CNTN4: variants seen among roughly 807,000 people sequenced by gnomAD.
CNTN4 encodes contactin 4, also known as contactin-4.
CNTN4 carries 77 observed loss-of-function variants against 122.5 expected under a neutral mutation model. The ratio of observed to expected loss-of-function variants is 0.63; its 90% CI spans 0.52 to 0.76. The LOEUF is 0.76. Among genes scored for constraint, CNTN4 ranks in the 30% least tolerant of loss-of-function variants. The pLI, the probability that CNTN4 is intolerant of heterozygous loss-of-function variation, is 0.00. For synonymous variants in CNTN4, 512 were observed against 447.0 expected (o/e 1.15, Z -1.83); for missense variants, 1,256 against 1,259.1 (o/e 1.00, Z 0.04).
chr3:2,546,761 TCAG>T (rs777686218), intron 3 of CNTN4, among the ~76,000 whole-genome samples: 16 of 152,084 alleles, frequency 1.1e-4, no homozygotes, highest in Non-Finnish European at 2.1e-4. Flanking sequence ...AATAAATACT[TCAG>T]CAGAGTAGAA....
intron 3 of CNTN4, among the ~76,000 whole-genome samples, chr3:2,408,208 A>G (rs180992571): frequency 5.9e-4 from 90 of 152,298 alleles, no homozygotes; most frequent in Non-Finnish European, 5.9e-4. Context: ...CCTGAGACCT[A>G]CATATCCCTG....
In CNTN4 at chr3:2,255,514, T is replaced by G. The variant is rs542636262; in HGVS notation, c.-144-83664T>G. ...TCAGCACCACATCGCACTTAATTAT[T>G]GGAAGTAAACTCTAATAATTGGAAG... On this transcript the variant is annotated intron_variant, in intron 2 of 24. Transcript: ENST00000418658. Among the ~76,000 whole-genome samples, 5 of 152,170 alleles carry G rather than the reference T, an allele frequency of 3.3e-5. No individual in the cohort carries two copies. The South Asian group carries it at 1.0e-3, about 32-fold the overall frequency.
At chr3:2,662,110 T>C (rs919293659) in intron 4 of CNTN4, among the ~76,000 whole-genome samples, 1 of 152,188 alleles carries the variant, frequency 6.6e-6, no homozygotes, top group East Asian at 1.9e-4. Context: ...TTCATAGAGC[T>C]CACAAGCTAC....
chr3:2,242,270 C>G (rs939232402), intron 2 of CNTN4, among the ~76,000 whole-genome samples: 4 of 152,010 alleles, frequency 2.6e-5, no homozygotes, highest in Non-Finnish European at 5.9e-5. Flanking sequence ...ATAATGGCCA[C>G]TACCATGTCA....
chr3:2,980,648 G>A (rs1341744668), intron 13 of CNTN4, among the ~76,000 whole-genome samples: 1 of 152,162 alleles, frequency 6.6e-6, no homozygotes, highest in Non-Finnish European at 1.5e-5. Flanking sequence ...GAAAATTAAG[G>A]ACACGGGCAC....
At chr3:2,369,583 T>C (rs576825278) in intron 3 of CNTN4, among the ~76,000 whole-genome samples, 3 of 152,124 alleles carry the variant, frequency 2.0e-5, no homozygotes, top group Non-Finnish European at 4.4e-5. Flanking sequence ...ATGCCCCCCA[T>C]CACACATAAT....
chr3:2,435,315 A>G (rs2048221306), intron 3 of CNTN4, among the ~76,000 whole-genome samples: 1 of 152,188 alleles, frequency 6.6e-6, no homozygotes, highest in Non-Finnish European at 1.5e-5. Context: ...GTATTTGGAC[A>G]TAACCAATGC....
chr3:3,053,667 C>A, intron 23 of CNTN4, 140 bp from the exon 24 acceptor site: 1 of 786,720 alleles, frequency 1.3e-6, no homozygotes, highest in Non-Finnish European at 2.2e-6. Flanking sequence ...GCAAATGAGC[C>A]TTCCAAATGC....
At chr3:2,496,479 A>G (rs2076455051) in intron 3 of CNTN4, among the ~76,000 whole-genome samples, 2 of 152,204 alleles carry the variant, frequency 1.3e-5, no homozygotes, top group African/African-American at 4.8e-5. Flanking sequence ...AAAATATGAC[A>G]TAGATTTGTT....
In CNTN4 at chr3:2,840,434, C is replaced by T. The variant is rs561142604; in HGVS notation, c.454+20853C>T. ...AGAAAAGCTGGGGCCGGCGCGGTGG[C>T]TCACGCCTGTCATCCCAGCACTTTG... On this transcript the variant is annotated intron_variant, in intron 7 of 24. Transcript: ENST00000418658. Among the ~76,000 whole-genome samples, 5 of 151,646 alleles carry T rather than the reference C, an allele frequency of 3.3e-5. No individual in the cohort carries two copies. The East Asian group carries it at 9.8e-4, about 30-fold the overall frequency.
intron 3 of CNTN4, among the ~76,000 whole-genome samples, chr3:2,442,482 T>A (rs923678420): frequency 2.0e-5 from 3 of 152,246 alleles, no homozygotes; most frequent in East Asian, 1.9e-4. Context: ...GATTTTTTTT[T>A]AATAGAATCA....
At chr3:2,405,530 C>T (rs2150995172) in intron 3 of CNTN4, among the ~76,000 whole-genome samples, 1 of 152,142 alleles carries the variant, frequency 6.6e-6, no homozygotes, top group Non-Finnish European at 1.5e-5. Flanking sequence ...CAATTAATAA[C>T]TATAGTTATT....
intron 3 of CNTN4, among the ~76,000 whole-genome samples, chr3:2,568,189 C>T (rs943633505): frequency 2.8e-4 from 42 of 151,908 alleles, no homozygotes; most frequent in Non-Finnish European, 2.9e-5. Context: ...TTCTTGGAAA[C>T]CAGGACTCTT....
chr3:2,823,008 T>A (rs1292141391), intron 7 of CNTN4, among the ~76,000 whole-genome samples: 1 of 152,164 alleles, frequency 6.6e-6, no homozygotes, highest in Non-Finnish European at 1.5e-5. Flanking sequence ...ATATTCAAGG[T>A]TATAAAAGAG....
intron 3 of CNTN4, among the ~76,000 whole-genome samples, chr3:2,555,201 C>T (rs745813013): frequency 1.3e-5 from 2 of 152,156 alleles, no homozygotes; most frequent in Non-Finnish European, 2.9e-5. Flanking sequence ...TCGTGAGTCA[C>T]TTATCCACAA....
intron 2 of CNTN4, among the ~76,000 whole-genome samples, chr3:2,295,963 G>C (rs1386779906): frequency 6.6e-6 from 1 of 152,042 alleles, no homozygotes; most frequent in Non-Finnish European, 1.5e-5. Flanking sequence ...GTTTTTATCA[G>C]GTTTGTCAAA....
At chr3:3,000,048 C>G (rs1380324922) in intron 14 of CNTN4, among the ~76,000 whole-genome samples, 2 of 152,072 alleles carry the variant, frequency 1.3e-5, no homozygotes, top group Non-Finnish European at 2.9e-5. Flanking sequence ...CAAGATACAT[C>G]TTAATAGTGA....
At chr3:2,289,533 G>A (rs571774410) in intron 2 of CNTN4, among the ~76,000 whole-genome samples, 1 of 152,254 alleles carries the variant, frequency 6.6e-6, no homozygotes, top group Admixed American at 6.5e-5. Context: ...TATGAGAAGG[G>A]CTGAAGACAT....
At chr3:2,806,611 C>T (rs1010874071) in intron 6 of CNTN4, among the ~76,000 whole-genome samples, 1 of 152,198 alleles carries the variant, frequency 6.6e-6, no homozygotes, top group Non-Finnish European at 1.5e-5. Context: ...ACTTCTTCAG[C>T]AGCTTAGAAG....
Sources: gnomAD v4.1 joint callset for allele counts (sites outside exome capture counted in the v4.1 genomes callset) on GRCh38, gnomAD v4.1.1 for gene constraint, MANE v1.5 for transcripts, NCBI Gene and HGNC (gene_info 2026-07-23, HGNC 2026-07-21) for gene names.